IL6R: variants seen among roughly 807,000 people sequenced by gnomAD.
IL6R encodes interleukin 6 receptor, also known as interleukin-6 receptor subunit alpha.
In IL6R, 38 loss-of-function variants were observed where a neutral mutation model predicts 48.3. The ratio of observed to expected loss-of-function variants is 0.79; its 90% CI spans 0.61 to 1.03. The LOEUF (loss-of-function observed/expected upper bound fraction) is 1.03, where lower values mean the gene tolerates loss of function less well. Among genes scored for constraint, IL6R ranks in the 50% least tolerant of loss-of-function variants. The probability of loss-of-function intolerance (pLI) is 0.00; values close to 1 mark genes in which losing one functional copy is unlikely to be tolerated. For missense variants in IL6R, 534 were observed against 618.3 expected (o/e 0.86, Z 1.45); for synonymous variants, 264 against 256.2 (o/e 1.03, Z -0.29).
intron 1 of IL6R, among the ~76,000 whole-genome samples, chr1:154,417,242 C>G (rs1023586721): frequency 6.6e-6 from 1 of 152,196 alleles, no homozygotes; most frequent in African/African-American, 2.4e-5. Flanking sequence ...AAGCCTGGAC[C>G]GAGAGTCCCA....
At chr1:154,428,919 C>T (rs955305954) in intron 1 of IL6R, among the ~76,000 whole-genome samples, 1 of 152,156 alleles carries the variant, frequency 6.6e-6, no homozygotes, top group Non-Finnish European at 1.5e-5. Flanking sequence ...GGAGCTTGGA[C>T]TTCATCTTGT....
At chr1:154,446,584 G>A (rs1690242410) in intron 6 of IL6R, among the ~76,000 whole-genome samples, 1 of 152,196 alleles carries the variant, frequency 6.6e-6, no homozygotes, top group South Asian at 2.1e-4. Context: ...TTACGGTTAA[G>A]GCCCAGGCTT....
At chr1:154,450,605 A>G (rs1266113846) in intron 8 of IL6R, among the ~76,000 whole-genome samples, 1 of 152,226 alleles carries the variant, frequency 6.6e-6, no homozygotes, top group African/African-American at 2.4e-5. Context: ...CTGAAATGGA[A>G]TACCTGTTGA....
intron 9 of IL6R, among the ~76,000 whole-genome samples, chr1:154,457,322 C>CAAAAAAA (rs60033332): frequency 3.8e-5 from 3 of 78,124 alleles, no homozygotes; most frequent in Non-Finnish European, 7.4e-5. Context: ...GACTCCGTCT[C>CAAAAAAA]AAAAAAAAAA....
intron 9 of IL6R, among the ~76,000 whole-genome samples, chr1:154,459,753 TG>T (rs1691137020): frequency 6.6e-6 from 1 of 152,224 alleles, no homozygotes; most frequent in Non-Finnish European, 1.5e-5. Context: ...TGTCCCCCAC[TG>T]ATTCTCTGTA....
chr1:154,465,313 G>A lies in IL6R; in HGVS notation c.1340G>A (p.Arg447Gln), dbSNP rs756372545. Residue 447 changes from arginine (R) to glutamine (Q), a missense_variant, in exon 10 of 10, where the codon CGA becomes CAA. By Grantham distance (43) the Arg-to-Gln change is conservative. Coordinates refer to ENST00000368485, the MANE Select transcript of IL6R (RefSeq NM_000565.4). The stretch of plus-strand genomic sequence containing the variant: ...TCTGACAATACCTCGAGCCACAACC[G>A]ACCAGATGCCAGGGACCCACGGAGC... Reference protein sequence around the residue: ...LGSDNTSSHNRPDARDPRSPY... With the variant: ...LGSDNTSSHNQPDARDPRSPY... 86 of 1,614,036 alleles carry A rather than the reference G, an allele frequency of 5.3e-5. No homozygotes were observed. Among genetic ancestry groups the A allele is most frequent in the South Asian group, 7.7e-5 (7 of 91,082 alleles).
intron 8 of IL6R, 121 bp from the exon 9 acceptor site, chr1:154,454,367 G>A (rs908381705): frequency 3.1e-6 from 2 of 652,626 alleles, no homozygotes; most frequent in Non-Finnish European, 5.4e-6. Flanking sequence ...GAGGGGGGTT[G>A]GAGGGGAAGG....
At chr1:154,463,251 CT>C (rs1199509049) in intron 9 of IL6R, among the ~76,000 whole-genome samples, 1 of 151,660 alleles carries the variant, frequency 6.6e-6, no homozygotes, top group African/African-American at 2.4e-5. Context: ...TGTAATGATT[CT>C]CTCCTCAGTC....
In IL6R at chr1:154,467,817, C is replaced by G. The variant is rs1691626849; in HGVS notation, c.*2437C>G. On this transcript the variant is annotated 3_prime_UTR_variant, in exon 10 of 10. Transcript: ENST00000368485. Reference sequence around the variant, plus strand: ...CCTCCCATCCCACCACATAAAGTTTCTGAGACTTGAGAACAGCAAAATGCT... The same window carrying G: ...CCTCCCATCCCACCACATAAAGTTTGTGAGACTTGAGAACAGCAAAATGCT... The G allele has an allele frequency of 2.0e-5, 3 of 152,100 alleles. No homozygotes were observed. The highest frequency in any genetic ancestry group is 2.0e-4 in the Admixed American group (3 of 15,266). 9.4% of individuals were successfully genotyped at this position (152,100 alleles called of 1,614,324 possible).
intron 2 of IL6R, among the ~76,000 whole-genome samples, chr1:154,429,870 T>C (rs1035806415): frequency 6.6e-6 from 1 of 152,170 alleles, no homozygotes; most frequent in Non-Finnish European, 1.5e-5. Flanking sequence ...ATCACACACA[T>C]ATGCTGCTAA....
chr1:154,426,076 G>GACACACACAC lies in IL6R; in HGVS notation c.86-3096_86-3087dup, dbSNP rs34280647. Among the ~76,000 whole-genome samples, 393 of 119,958 alleles carry GACACACACAC rather than the reference G, an allele frequency of 3.3e-3. 4 individuals are homozygous for GACACACACAC. The highest frequency in any genetic ancestry group is 0.011 in the African/African-American group (358 of 31,816). 78.7% of individuals were successfully genotyped at this position (119,958 alleles called of 152,430 possible). A position where few individuals can be genotyped will look rare whatever the true frequency, so the allele number is the denominator to read the frequency against. On this transcript the variant is annotated intron_variant, in intron 1 of 9. Transcript: ENST00000368485. The stretch of plus-strand genomic sequence containing the variant: ...GGCAGCAGACTGAGACCCTGTATCA[G>GACACACACAC]ACACACACACACACACACACACACA...
intron 1 of IL6R, among the ~76,000 whole-genome samples, chr1:154,406,140 C>T (rs1687701502): frequency 6.6e-6 from 1 of 152,152 alleles, no homozygotes; most frequent in African/African-American, 2.4e-5. Flanking sequence ...TACCAGCGCC[C>T]CTCTTCTCCC....
intron 3 of IL6R, 64 bp downstream of exon 3, chr1:154,430,670 G>C (rs1430239311): frequency 1.9e-6 from 3 of 1,604,356 alleles, no homozygotes; most frequent in Non-Finnish European, 2.6e-6. Context: ...CCCCAGAGAG[G>C]GGCTGGTTCA....
At chr1:154,414,581 A>AG (rs1357504971) in intron 1 of IL6R, 1 of 751,616 alleles carries the variant, frequency 1.3e-6, no homozygotes, top group African/African-American at 1.7e-5. Context: ...ATTTTCTCAT[A>AG]GGCTTTCTTG....
chr1:154,430,661 C>T (rs1345486152), intron 3 of IL6R, 55 bp downstream of exon 3: 2 of 1,610,512 alleles, frequency 1.2e-6, no homozygotes, highest in African/African-American at 2.7e-5. Flanking sequence ...CCCGAGGCCC[C>T]CCAGAGAGGG....
At chr1:154,451,464 G>T (rs1329320437) in intron 8 of IL6R, among the ~76,000 whole-genome samples, 1 of 151,986 alleles carries the variant, frequency 6.6e-6, no homozygotes, top group East Asian at 1.9e-4. Flanking sequence ...GTTGCAGTGA[G>T]CTGAGATCGA....
At chr1:154,449,479 C>T (rs900718814) in intron 7 of IL6R, among the ~76,000 whole-genome samples, 1 of 152,110 alleles carries the variant, frequency 6.6e-6, no homozygotes, top group African/African-American at 2.4e-5. Flanking sequence ...TGCCATTGCA[C>T]TCCAGCTTGG....
rs982263084 is a variant in IL6R, at chr1:154,434,655, G to A, written c.595G>A (p.Gly199Arg). The A allele has an allele frequency of 5.0e-6, 8 of 1,613,990 alleles. No homozygotes were observed. In the African/African-American group the frequency reaches 6.7e-5, roughly 13 times the overall value. ...GTCCATGTGCGTCGCCAGTAGTGTC[G>A]GGAGCAAGTTCAGCAAAACTCAAAC... ...IVSMCVASSV[G>R]SKFSKTQTFQ... The change falls in exon 4 of 10, where the codon GGG (glycine) becomes AGG (arginine). Residue 199 changes from glycine to arginine, a missense_variant. Transcript: ENST00000368485.
intron 1 of IL6R, among the ~76,000 whole-genome samples, chr1:154,425,831 G>T (rs1002196127): frequency 2.0e-5 from 3 of 149,980 alleles, no homozygotes; most frequent in African/African-American, 7.4e-5. Context: ...TGTAATCTCA[G>T]CACTTTGGGA....
Sources: allele counts gnomAD v4.1 joint callset (sites outside exome capture counted in the v4.1 genomes callset), GRCh38; gene constraint gnomAD v4.1.1; transcripts MANE v1.5; gene names NCBI Gene and HGNC (gene_info 2026-07-23, HGNC 2026-07-21).